Variants in DCBLD2 observed in about 807,000 individuals in gnomAD.
DCBLD2 encodes the protein discoidin, CUB and LCCL domain-containing protein 2.
DCBLD2 carries 54 observed loss-of-function variants against 86.8 expected under a neutral mutation model. The ratio of observed to expected loss-of-function variants is 0.62; its 90% CI spans 0.50 to 0.78. The LOEUF (loss-of-function observed/expected upper bound fraction) is 0.78, where lower values mean the gene tolerates loss of function less well. DCBLD2 is among the 30% of genes least tolerant of loss of function. DCBLD2 has a pLI of 0.00. For missense variants in DCBLD2, 908 were observed against 954.2 expected (o/e 0.95, Z 0.64); for synonymous variants, 354 against 341.3 (o/e 1.04, Z -0.41).
chr3:98,850,533 A>G (rs975954350), intron 2 of DCBLD2, among the ~76,000 whole-genome samples: 10 of 152,366 alleles, frequency 6.6e-5, no homozygotes, highest in Admixed American at 3.9e-4. Context: ...AGAAAGAAGA[A>G]GAAAAATTAA....
At chr3:98,893,401 C>G (rs1291804475) in intron 1 of DCBLD2, among the ~76,000 whole-genome samples, 7 of 146,624 alleles carry the variant, frequency 4.8e-5, no homozygotes, top group Non-Finnish European at 4.5e-5. Context: ...AAAAAAGAAA[C>G]CAATAATAAA....
At chr3:98,856,691 C>CA (rs1180595796) in intron 2 of DCBLD2, among the ~76,000 whole-genome samples, 7 of 150,566 alleles carry the variant, frequency 4.6e-5, no homozygotes, top group African/African-American at 7.3e-5. Flanking sequence ...CAGAAATGGA[C>CA]AAAAAAAGCA....
chr3:98,858,053 G>A (rs2439215), intron 2 of DCBLD2, among the ~76,000 whole-genome samples: 54,467 of 152,152 alleles, frequency 0.36, 9,874 homozygotes, highest in Non-Finnish European at 0.38. Context: ...CTTGGGCCAC[G>A]CAGCAGCCCA....
At chr3:98,887,960 A>G (rs1943591211) in intron 1 of DCBLD2, among the ~76,000 whole-genome samples, 1 of 151,932 alleles carries the variant, frequency 6.6e-6, no homozygotes, top group Non-Finnish European at 1.5e-5. Flanking sequence ...TCACTGCCCT[A>G]AAAATCCCAT....
intron 9 of DCBLD2, 145 bp from the exon 10 acceptor site, chr3:98,812,627 T>G: frequency 1.6e-6 from 1 of 628,290 alleles, no homozygotes; most frequent in East Asian, 3.2e-5. Flanking sequence ...TTTAAGAAAA[T>G]AATCATAATT....
chr3:98,838,700 G>A (rs1476397120), intron 3 of DCBLD2, among the ~76,000 whole-genome samples: 3 of 152,112 alleles, frequency 2.0e-5, no homozygotes, highest in Non-Finnish European at 2.9e-5. Flanking sequence ...GCAGGCGGCT[G>A]GGAGGTGTAG....
At chr3:98,832,343 T>C (rs373456518) in intron 3 of DCBLD2, among the ~76,000 whole-genome samples, 39 of 152,218 alleles carry the variant, frequency 2.6e-4, no homozygotes, top group African/African-American at 8.7e-4. Context: ...GCATGTGAGA[T>C]GGGTTCCTGA....
chr3:98,874,069 A>G (rs1044767284), intron 2 of DCBLD2, among the ~76,000 whole-genome samples: 1 of 152,214 alleles, frequency 6.6e-6, no homozygotes, highest in Non-Finnish European at 1.5e-5. Context: ...CAAACAGACC[A>G]ATTTCCTGAG....
chr3:98,825,243 TG>T, intron 4 of DCBLD2, 71 bp downstream of exon 4: 1 of 1,145,336 alleles, frequency 8.7e-7, no homozygotes, highest in Non-Finnish European at 1.2e-6. Context: ...GTATACAGAA[TG>T]AAAATGAAGA....
chr3:98,800,602 G>C lies in DCBLD2; in HGVS notation c.1835C>G (p.Thr612Arg). 6.2e-7 allele frequency: 1 copy of C among 1,613,876 alleles called. No individual in the cohort carries two copies. The highest frequency in any genetic ancestry group is 2.2e-5 in the East Asian group (1 of 44,878). Residue 612 changes from threonine to arginine, a missense_variant, in exon 15 of 16, where the codon ACA becomes AGA. Thr to Arg is a moderately conservative substitution (Grantham distance 71). This residue lies in a region of DCBLD2 where 606 missense variants were observed against 678.5 expected (regional missense o/e 0.89). Transcript: ENST00000326840. ...ACCTGCAGAGTCAGCCTGCAGCACT[G>C]TGGTGACTTCTCTTGGACTCAGGTG... The part of the protein sequence containing the change: ...VNHLSPREVT[T>R]VLQADSAEYA...
intron 6 of DCBLD2, among the ~76,000 whole-genome samples, chr3:98,820,516 C>T (rs939567008): frequency 2.6e-5 from 4 of 152,120 alleles, no homozygotes; most frequent in African/African-American, 9.7e-5. Flanking sequence ...GTATCTAGCA[C>T]CCAGTTTCAT....
At chr3:98,823,255 A>T (rs1180467475) in intron 4 of DCBLD2, among the ~76,000 whole-genome samples, 1 of 152,068 alleles carries the variant, frequency 6.6e-6, no homozygotes, top group Non-Finnish European at 1.5e-5. Context: ...CATTTGAAAC[A>T]TTTTTTTGTC....
rs188281151 is a variant in DCBLD2 at position 98,872,402 on chromosome 3, C to T, written c.433+9138G>A. The stretch of plus-strand genomic sequence containing the variant: ...TCTCTGCACAAGCCCCTTTCCCTTC[C>T]AGTTTCCTCCATGAGTTGAAGCAGC... On this transcript the variant is annotated intron_variant, in intron 2 of 15. Transcript: ENST00000326840. 1.2e-4 allele frequency among the ~76,000 whole-genome samples: 18 copies of T among 152,278 alleles called. 1 individual carries two copies. Among genetic ancestry groups the T allele is most frequent in the African/African-American group, 4.3e-4 (18 of 41,564 alleles).
chr3:98,881,900 T>C, intron 1 of DCBLD2, 133 bp from the exon 2 acceptor site: 2 of 875,074 alleles, frequency 2.3e-6, no homozygotes, highest in Non-Finnish European at 1.7e-6. Context: ...TATTTTATTT[T>C]TTTTAATGGA....
intron 13 of DCBLD2, among the ~76,000 whole-genome samples, chr3:98,802,318 A>AT (rs1402837000): frequency 6.6e-6 from 1 of 151,908 alleles, no homozygotes; most frequent in African/African-American, 2.4e-5. Flanking sequence ...GATGATGAGC[A>AT]TTTTTTCATG....
rs1286652828 is a variant in DCBLD2, at chr3:98,901,328, G to A, written c.-2C>T. On this transcript the variant is annotated 5_prime_UTR_variant, in exon 1 of 16. Transcript: ENST00000326840. ...TCTCACCACCGCCCGGCTCGCCATCGCGGCGGCCGGCAGTCTGCCTGCATA... is the reference window on the plus strand; with the variant it reads ...TCTCACCACCGCCCGGCTCGCCATCACGGCGGCCGGCAGTCTGCCTGCATA... 5 of 1,402,092 alleles carry A rather than the reference G, an allele frequency of 3.6e-6. No individual in the cohort carries two copies. Among genetic ancestry groups the A allele is most frequent in the Non-Finnish European group, 4.6e-6 (5 of 1,090,334 alleles). 86.9% of individuals were successfully genotyped at this position (1,402,092 alleles called of 1,614,324 possible). A position where few individuals can be genotyped will look rare whatever the true frequency, so the allele number is the denominator to read the frequency against.
rs769526054 is a variant in DCBLD2, at chr3:98,819,329, T to C, written c.960A>G (p.Thr320=). 9 of 1,613,884 alleles carry C rather than the reference T, an allele frequency of 5.6e-6. No individual in the cohort carries two copies. In the East Asian group the frequency reaches 2.0e-4, roughly 36 times the overall value. The stretch of plus-strand genomic sequence containing the variant: ...TGGGTTTCCAACTGTTCTCTTGCCC[T>C]GTGTGGTCAGTCCACTCCAGCACAG... ...ASSVLEWTDH[T]GQENSWKPKK... The change falls in exon 8 of 16, where the codon ACA becomes ACG. Residue 320 remains threonine, a synonymous_variant. Coordinates refer to ENST00000326840, the MANE Select transcript of DCBLD2 (RefSeq NM_080927.4).
At chr3:98,850,899 A>T (rs1942824291) in intron 2 of DCBLD2, among the ~76,000 whole-genome samples, 1 of 152,230 alleles carries the variant, frequency 6.6e-6, no homozygotes, top group African/African-American at 2.4e-5. Context: ...AAAAGTTAAA[A>T]AACTTAGGAA....
intron 2 of DCBLD2, among the ~76,000 whole-genome samples, chr3:98,880,373 C>T (rs993695837): frequency 2.0e-5 from 3 of 152,192 alleles, no homozygotes. Context: ...AATAAACTCA[C>T]AGAGAATTCC....
Sources: gnomAD v4.1 joint callset for allele counts (sites outside exome capture counted in the v4.1 genomes callset) on GRCh38, gnomAD v4.1.1 for gene constraint, gnomAD v4.1.1 regional missense constraint, MANE v1.5 for transcripts, NCBI Gene and HGNC (gene_info 2026-07-23, HGNC 2026-07-21) for gene names.